Variants in DNAAF4 observed in about 807,000 individuals in gnomAD.
DNAAF4 encodes the protein dynein assembly factor 4, axonemal.
DNAAF4 carries 43 observed loss-of-function variants against 51.8 expected under a neutral mutation model. The ratio of observed to expected loss-of-function variants is 0.83; its 90% CI spans 0.65 to 1.07. DNAAF4 has a LOEUF of 1.07. DNAAF4 is among the 50% of genes least tolerant of loss of function. The probability of loss-of-function intolerance (pLI) is 0.00; values close to 1 mark genes in which losing one functional copy is unlikely to be tolerated. For synonymous variants in DNAAF4, 194 were observed against 165.6 expected (o/e 1.17, Z -1.32); for missense variants, 581 against 493.0 (o/e 1.18, Z -1.69).
chr15:55,479,266 C>A (rs1197376443), intron 4 of DNAAF4, among the ~76,000 whole-genome samples: 1 of 151,768 alleles, frequency 6.6e-6, no homozygotes, highest in African/African-American at 2.4e-5. Context: ...AAGTCAGGGA[C>A]CCCGAATGGA....
chr15:55,498,911 CAAAAAA>C (rs79964530), intron 1 of DNAAF4, among the ~76,000 whole-genome samples: 1 of 104,690 alleles, frequency 9.6e-6, no homozygotes, highest in East Asian at 3.6e-4. Context: ...AACTCCGTCT[CAAAAAA>C]AAAAAAAGAA....
At chr15:55,419,705 T>TAACA (rs1292014572) in intron 7 of DNAAF4, among the ~76,000 whole-genome samples, 1 of 152,122 alleles carries the variant, frequency 6.6e-6, no homozygotes, top group Non-Finnish European at 1.5e-5. Flanking sequence ...TTGTTTTAAT[T>TAACA]AACAATATTG....
chr15:55,435,516 A>G (rs2057593039), intron 7 of DNAAF4, among the ~76,000 whole-genome samples: 1 of 152,178 alleles, frequency 6.6e-6, no homozygotes, highest in Non-Finnish European at 1.5e-5. Context: ...TAAAGCTGAT[A>G]CTATGGAAAT....
intron 1 of DNAAF4, among the ~76,000 whole-genome samples, chr15:55,500,878 G>C (rs2141609792): frequency 6.6e-6 from 1 of 151,334 alleles, no homozygotes; most frequent in East Asian, 2.0e-4. Context: ...TGTAATCCCA[G>C]CTACTCGGGA....
chr15:55,482,949 A>C (rs952567001), intron 4 of DNAAF4, among the ~76,000 whole-genome samples: 1 of 152,234 alleles, frequency 6.6e-6, no homozygotes, highest in African/African-American at 2.4e-5. Flanking sequence ...ACTGATGGGC[A>C]TCACATCCAA....
At chr15:55,425,639 CAGAAT>C (rs2057424639), downstream of DNAAF4, among the ~76,000 whole-genome samples, 1 of 151,904 alleles carries the variant, frequency 6.6e-6, no homozygotes, top group Non-Finnish European at 1.5e-5. Context: ...GGAACCAAGA[CAGAAT>C]AGGTTTATAT....
chr15:55,494,346 A>T (rs1417653167), intron 3 of DNAAF4, among the ~76,000 whole-genome samples: 1 of 151,868 alleles, frequency 6.6e-6, no homozygotes, highest in Non-Finnish European at 1.5e-5. Context: ...TTTGATTTCT[A>T]AAGGAATCTC....
intron 7 of DNAAF4, chr15:55,418,378 G>A: frequency 6.5e-7 from 1 of 1,536,060 alleles, no homozygotes; most frequent in South Asian, 1.2e-5. Context: ...AAATGATTAT[G>A]TATAAAACCA....
chr15:55,425,887 G>C (rs1402599404), downstream of DNAAF4, among the ~76,000 whole-genome samples: 1 of 152,178 alleles, frequency 6.6e-6, no homozygotes, highest in African/African-American at 2.4e-5. Context: ...GGTTGACCTT[G>C]CCTGCTGCCT....
intron 5 of DNAAF4, among the ~76,000 whole-genome samples, chr15:55,462,937 G>A (rs575928400): frequency 1.5e-4 from 23 of 152,328 alleles, no homozygotes; most frequent in African/African-American, 5.5e-4. Flanking sequence ...TCGGGAAGCC[G>A]AGGCAGACGG....
intron 7 of DNAAF4, among the ~76,000 whole-genome samples, chr15:55,438,851 G>A (rs146920232): frequency 4.9e-4 from 74 of 151,878 alleles, no homozygotes; most frequent in African/African-American, 1.7e-3. Flanking sequence ...CAAAAAGCCC[G>A]TTTTTATGGG....
In DNAAF4 at chr15:55,432,568, T is replaced by G. The variant is rs758258854; in HGVS notation, c.1082A>C (p.Asn361Thr). Residue 361 changes from asparagine (N) to threonine (T), a missense_variant, in exon 9 of 10, where the codon AAT (asparagine) becomes ACT (threonine). By Grantham distance (65) the Asn-to-Thr change is moderately conservative. Transcript: ENST00000321149. Reference sequence around the variant, plus strand: ...ATGTGCCTTCATTCTTGCATTAGCATTGTCTGTAACAGGTGGCATCAATAA... The same window carrying G: ...ATGTGCCTTCATTCTTGCATTAGCAGTGTCTGTAACAGGTGGCATCAATAA... ...LELLMPPVTDNANARMKAHVR... is the reference protein window; with the variant it reads ...LELLMPPVTDTANARMKAHVR... 6.2e-7 allele frequency: 1 copy of G among 1,612,598 alleles called. No homozygotes were observed. The highest frequency in any genetic ancestry group is 8.5e-7 in the Non-Finnish European group (1 of 1,178,980).
At chr15:55,497,135 C>A (rs2058651371) in intron 3 of DNAAF4, among the ~76,000 whole-genome samples, 1 of 152,156 alleles carries the variant, frequency 6.6e-6, no homozygotes, top group African/African-American at 2.4e-5. Context: ...TTAAGACAGT[C>A]CCTAAACTCT....
chr15:55,490,141 G>A (rs1035543235), intron 4 of DNAAF4, among the ~76,000 whole-genome samples: 1 of 152,066 alleles, frequency 6.6e-6, no homozygotes, highest in African/African-American at 2.4e-5. Flanking sequence ...CAAAAGTGCT[G>A]GGATTACAGG....
At chr15:55,490,032 C>T (rs1381452384) in intron 4 of DNAAF4, among the ~76,000 whole-genome samples, 1 of 151,890 alleles carries the variant, frequency 6.6e-6, no homozygotes, top group Non-Finnish European at 1.5e-5. Flanking sequence ...CACCACCACG[C>T]GCGGCTGATT....
chr15:55,448,996 AT>A (rs1191434908), intron 6 of DNAAF4, among the ~76,000 whole-genome samples: 65 of 145,760 alleles, frequency 4.5e-4, no homozygotes, highest in East Asian at 1.2e-3. Context: ...TTTATTTTTT[AT>A]TTTTTTTTTT....
At chr15:55,443,694 C>G (rs1056560234) in intron 6 of DNAAF4, among the ~76,000 whole-genome samples, 3 of 152,194 alleles carry the variant, frequency 2.0e-5, no homozygotes, top group African/African-American at 7.2e-5. Context: ...TTCTCCACAT[C>G]CTCTCCAGCA....
intron 8 of DNAAF4, 39 bp from the exon 9 acceptor site, chr15:55,432,641 T>C (rs2057514464): frequency 1.9e-6 from 3 of 1,546,846 alleles, no homozygotes; most frequent in Non-Finnish European, 2.6e-6. Flanking sequence ...AAAGTTATAG[T>C]TTCTTAATTT....
At chr15:55,459,818 C>T (rs1235510535) in intron 5 of DNAAF4, among the ~76,000 whole-genome samples, 5 of 151,810 alleles carry the variant, frequency 3.3e-5, no homozygotes, top group Non-Finnish European at 5.9e-5. Flanking sequence ...ATTCTCCTGC[C>T]TTAGCTTTCC....
Sources: allele counts gnomAD v4.1 joint callset (sites outside exome capture counted in the v4.1 genomes callset), GRCh38; gene constraint gnomAD v4.1.1; transcripts MANE v1.5; gene names NCBI Gene and HGNC (gene_info 2026-07-23, HGNC 2026-07-21).